The following NAALADL2 variants were observed in gnomAD, a reference collection of about 807,000 sequenced individuals.
The protein encoded by NAALADL2 is N-acetylated alpha-linked acidic dipeptidase like 2.
Under a neutral mutation model 87.2 loss-of-function variants are expected in NAALADL2, and 76 were observed. That is an observed-to-expected ratio of 0.87 (90% CI 0.72 to 1.05). The LOEUF is 1.05. Among genes scored for constraint, NAALADL2 ranks in the 50% least tolerant of loss-of-function variants. NAALADL2 has a pLI of 0.00. For synonymous variants in NAALADL2, 354 were observed against 331.0 expected (o/e 1.07, Z -0.75); for missense variants, 1,089 against 945.8 (o/e 1.15, Z -1.99).
chr3:175,491,022 A>G (rs1727994118), intron 9 of NAALADL2, among the ~76,000 whole-genome samples: 1 of 152,010 alleles, frequency 6.6e-6, no homozygotes, highest in Non-Finnish European at 1.5e-5. Context: ...ATGGATAGAG[A>G]CTTTTTTTAA....
At chr3:175,425,005 G>T (rs995286347) in intron 5 of NAALADL2, among the ~76,000 whole-genome samples, 1 of 152,120 alleles carries the variant, frequency 6.6e-6, no homozygotes, top group Non-Finnish European at 1.5e-5. Context: ...GGGAGGTGAG[G>T]ATAAAGAAAA....
At chr3:174,991,129 A>C (rs191642116) in intron 1 of NAALADL2, among the ~76,000 whole-genome samples, 26 of 152,268 alleles carry the variant, frequency 1.7e-4, no homozygotes, top group Non-Finnish European at 2.6e-4. Context: ...ACAAAGAAGC[A>C]CAAAAATGAT....
intron 3 of NAALADL2, among the ~76,000 whole-genome samples, chr3:175,255,308 T>C (rs1029421926): frequency 2.0e-5 from 3 of 152,228 alleles, no homozygotes; most frequent in African/African-American, 7.2e-5. Flanking sequence ...ATTCATATGT[T>C]CCTATAGAAA....
chr3:174,886,195 G>A (rs1265910932), intron 1 of NAALADL2, among the ~76,000 whole-genome samples: 1 of 152,070 alleles, frequency 6.6e-6, no homozygotes, highest in African/African-American at 2.4e-5. Context: ...TTACAGGCAT[G>A]AGCCACTATG....
intron 10 of NAALADL2, among the ~76,000 whole-genome samples, chr3:175,621,206 A>G (rs1447981799): frequency 6.6e-6 from 1 of 152,158 alleles, no homozygotes; most frequent in East Asian, 1.9e-4. Flanking sequence ...CTGTCTGTCT[A>G]GGAATTTGTC....
intron 3 of NAALADL2, among the ~76,000 whole-genome samples, chr3:174,770,389 A>G (rs1339331250): frequency 6.6e-6 from 1 of 152,144 alleles, no homozygotes; most frequent in Non-Finnish European, 1.5e-5. Flanking sequence ...CCTGAATTCT[A>G]TTTTTTGGTG....
At chr3:175,118,123 G>C (rs572260690) in intron 2 of NAALADL2, among the ~76,000 whole-genome samples, 14 of 139,052 alleles carry the variant, frequency 1.0e-4, no homozygotes, top group African/African-American at 1.6e-4. Flanking sequence ...CGTAGGGTGG[G>C]GGGGAGGCCA....
intron 6 of NAALADL2, among the ~76,000 whole-genome samples, chr3:175,452,974 TTC>T (rs1247736562): frequency 6.6e-6 from 1 of 152,156 alleles, no homozygotes; most frequent in African/African-American, 2.4e-5. Context: ...GTTTCCAGGA[TTC>T]TGTCTCAACA....
intron 3 of NAALADL2, among the ~76,000 whole-genome samples, chr3:174,770,059 G>C (rs1714339146): frequency 6.6e-6 from 1 of 152,082 alleles, no homozygotes; most frequent in Admixed American, 6.6e-5. Context: ...AAAACAAGAA[G>C]TAATCTGTTA....
chr3:175,730,773 C>T (rs1318456233), intron 11 of NAALADL2, among the ~76,000 whole-genome samples: 1 of 151,632 alleles, frequency 6.6e-6, no homozygotes, highest in African/African-American at 2.4e-5. Flanking sequence ...CTAATTTATT[C>T]TTCCTTTATC....
At chr3:175,427,385 T>C (rs1047595829) in intron 5 of NAALADL2, among the ~76,000 whole-genome samples, 1 of 152,178 alleles carries the variant, frequency 6.6e-6, no homozygotes, top group African/African-American at 2.4e-5. Flanking sequence ...TGAAAAAAGT[T>C]CAAAACATTT....
At chr3:175,072,887 A>C (rs1715923121) in intron 1 of NAALADL2, among the ~76,000 whole-genome samples, 1 of 152,032 alleles carries the variant, frequency 6.6e-6, no homozygotes. Flanking sequence ...ATATTTAAAG[A>C]GGCAAAAAAG....
chr3:175,790,158 A>C (rs975537894), intron 13 of NAALADL2, among the ~76,000 whole-genome samples: 9 of 152,168 alleles, frequency 5.9e-5, no homozygotes, highest in Non-Finnish European at 8.8e-5. Flanking sequence ...TTATATATGC[A>C]TTGATTATGT....
intron 2 of NAALADL2, among the ~76,000 whole-genome samples, chr3:175,132,053 A>G (rs1264142398): frequency 8.3e-6 from 1 of 119,856 alleles, no homozygotes; most frequent in African/African-American, 3.3e-5. Flanking sequence ...GGGGCTCCTC[A>G]CTTCCCAGTA....
intron 3 of NAALADL2, among the ~76,000 whole-genome samples, chr3:174,831,315 G>A (rs1341922284): frequency 6.8e-6 from 1 of 147,774 alleles, no homozygotes; most frequent in Non-Finnish European, 1.5e-5. Context: ...TTTTTAGCAT[G>A]AAGCGTTGTT....
intron 1 of NAALADL2, among the ~76,000 whole-genome samples, chr3:175,096,379 A>T (rs1192038250): frequency 6.6e-6 from 1 of 152,026 alleles, no homozygotes; most frequent in Non-Finnish European, 1.5e-5. Flanking sequence ...TTTAATTTTT[A>T]AAAGTGATTT....
intron 1 of NAALADL2, among the ~76,000 whole-genome samples, chr3:175,054,999 A>G (rs564753001): frequency 1.2e-4 from 19 of 152,328 alleles, no homozygotes; most frequent in African/African-American, 4.3e-4. Flanking sequence ...ACCAACTCCA[A>G]CTATGTTAAA....
chr3:175,103,469 T>C (rs1406446777), intron 2 of NAALADL2, among the ~76,000 whole-genome samples: 2 of 152,172 alleles, frequency 1.3e-5, no homozygotes, highest in African/African-American at 2.4e-5. Context: ...GACATTAAAC[T>C]AAAGGAATGA....
intron 2 of NAALADL2, among the ~76,000 whole-genome samples, chr3:175,109,987 C>A (rs1053626573): frequency 6.6e-6 from 1 of 151,774 alleles, no homozygotes. Flanking sequence ...ATTCCTACCT[C>A]TCTCTTTAAA....
Sources: allele counts gnomAD v4.1 joint callset (sites outside exome capture counted in the v4.1 genomes callset), GRCh38; gene constraint gnomAD v4.1.1; transcripts MANE v1.5; gene names NCBI Gene and HGNC (gene_info 2026-07-23, HGNC 2026-07-21).